RBFOX1: variants seen among roughly 807,000 people sequenced by gnomAD.
The protein encoded by RBFOX1 is RNA binding fox-1 homolog 1.
A neutral mutation model predicts 57.7 loss-of-function variants in RBFOX1; 8 were observed. The ratio of observed to expected loss-of-function variants is 0.14; its 90% CI spans 0.08 to 0.25. RBFOX1 has a LOEUF of 0.25. Among genes scored for constraint, RBFOX1 ranks in the 10% least tolerant of loss-of-function variants. The pLI is 1.00. For synonymous variants in RBFOX1, 326 were observed against 222.4 expected, an observed-to-expected ratio of 1.47 and a Z score of -4.15; for missense variants, 611 against 548.5, an observed-to-expected ratio of 1.11 and a Z score of -1.14.
intron 1 of RBFOX1, among the ~76,000 whole-genome samples, chr16:6,078,793 C>T (rs1160375399): frequency 6.6e-6 from 1 of 152,206 alleles, no homozygotes; most frequent in Non-Finnish European, 1.5e-5. Flanking sequence ...CCTAGTCTTT[C>T]ATCATTCTGG....
chr16:6,255,021 C>G (rs1465881454), intron 1 of RBFOX1, among the ~76,000 whole-genome samples: 1 of 152,070 alleles, frequency 6.6e-6, no homozygotes. Context: ...CTTCTTCCTT[C>G]CATCTCTCCC....
intron 3 of RBFOX1, among the ~76,000 whole-genome samples, chr16:7,037,197 T>C (rs1020064312): frequency 6.6e-6 from 1 of 150,982 alleles, no homozygotes. Context: ...GCCTTAGCCA[T>C]CTGGGAATGC....
chr16:6,556,646 G>A (rs1158559293), intron 2 of RBFOX1, among the ~76,000 whole-genome samples: 4 of 152,154 alleles, frequency 2.6e-5, no homozygotes, highest in African/African-American at 9.7e-5. Context: ...TTGAGATGAT[G>A]CCACAGTGCC....
chr16:6,716,956 G>T (rs2064953298), intron 3 of RBFOX1, among the ~76,000 whole-genome samples: 1 of 152,146 alleles, frequency 6.6e-6, no homozygotes, highest in African/African-American at 2.4e-5. Flanking sequence ...CACTAGAGTG[G>T]AGCCCTCACA....
At chr16:7,478,448 T>C (rs1048557944) in intron 4 of RBFOX1, among the ~76,000 whole-genome samples, 1 of 152,162 alleles carries the variant, frequency 6.6e-6, no homozygotes, top group African/African-American at 2.4e-5. Flanking sequence ...TCTGAGCTGC[T>C]GAAGAGAAAG....
chr16:5,806,832 C>T (rs181197136), intron 3 of RBFOX1, among the ~76,000 whole-genome samples: 34 of 152,346 alleles, frequency 2.2e-4, no homozygotes, highest in East Asian at 2.1e-3. Context: ...AAAGCCTTCA[C>T]GTCGTCAGGG....
At position 5,537,811 on chromosome 16, in the gene RBFOX1, T is replaced by C. The variant is rs545384469; in HGVS notation, c.259-61091T>C. ...TTGAGCTCACTTGGATAATCCAAGATAATCTCCTTCTCTCAAGCTGTATAT... is the reference window on the plus strand; with the variant it reads ...TTGAGCTCACTTGGATAATCCAAGACAATCTCCTTCTCTCAAGCTGTATAT... On this transcript the variant is annotated intron_variant, in intron 2 of 2. Transcript: ENST00000585867. Among the ~76,000 whole-genome samples, 24 of 152,384 alleles carry C rather than the reference T, an allele frequency of 1.6e-4. No individual in the cohort carries two copies. In the South Asian group the frequency reaches 4.3e-3, roughly 28 times the overall value.
chr16:6,726,376 A>C (rs1239789659), intron 3 of RBFOX1, among the ~76,000 whole-genome samples: 1 of 148,184 alleles, frequency 6.7e-6, no homozygotes, highest in African/African-American at 2.5e-5. Flanking sequence ...AATAATAAAT[A>C]AAAATAAAAC....
Position 6,338,029 on chromosome 16 carries a change from A to G in RBFOX1, c.-64+20972A>G, listed in dbSNP as rs547837280. On this transcript the variant is annotated intron_variant, in intron 2 of 15. Coordinates refer to ENST00000550418, the MANE Select transcript of RBFOX1 (RefSeq NM_018723.4). The stretch of plus-strand genomic sequence containing the variant: ...TACTATGTTTCATGATGTGCAAGCA[A>G]TACTTTGGACAATTTTATCCAGATG... Among the ~76,000 whole-genome samples the G allele has an allele frequency of 7.9e-5, 12 of 152,340 alleles. No homozygotes were observed. In the South Asian group the frequency reaches 2.1e-3, roughly 26 times the overall value.
At chr16:7,249,753 A>G (rs17143017) in intron 4 of RBFOX1, among the ~76,000 whole-genome samples, 2,674 of 152,260 alleles carry the variant, frequency 0.018, 55 homozygotes, top group South Asian at 0.045. Context: ...CACCATAACA[A>G]ACCGACAGTG....
intron 3 of RBFOX1, among the ~76,000 whole-genome samples, chr16:6,849,231 G>C (rs183592302): frequency 6.6e-6 from 1 of 152,180 alleles, no homozygotes. Flanking sequence ...ACAGTAGTGA[G>C]CTTTTAATAC....
chr16:6,706,101 T>C (rs1246750189), intron 3 of RBFOX1, among the ~76,000 whole-genome samples: 1 of 152,180 alleles, frequency 6.6e-6, no homozygotes, highest in East Asian at 1.9e-4. Flanking sequence ...CCCGGATGCT[T>C]AGCCCCAGTG....
intron 4 of RBFOX1, among the ~76,000 whole-genome samples, chr16:7,356,837 A>C (rs76213335): frequency 2.0e-5 from 3 of 152,176 alleles, no homozygotes; most frequent in African/African-American, 7.2e-5. Flanking sequence ...TGGACTTACT[A>C]TTATGCGTAG....
chr16:7,260,783 G>T (rs1049682833), intron 4 of RBFOX1, among the ~76,000 whole-genome samples: 1 of 152,098 alleles, frequency 6.6e-6, no homozygotes, highest in African/African-American at 2.4e-5. Context: ...CTAGGCTGCC[G>T]AACAGCAGGG....
chr16:5,824,958 C>A (rs994167488), intron 3 of RBFOX1, among the ~76,000 whole-genome samples: 1 of 152,162 alleles, frequency 6.6e-6, no homozygotes, highest in African/African-American at 2.4e-5. Context: ...TGGATTCTTA[C>A]TGTGAGGGTC....
chr16:6,649,671 C>G (rs1033688735), intron 2 of RBFOX1, among the ~76,000 whole-genome samples: 1 of 152,140 alleles, frequency 6.6e-6, no homozygotes. Flanking sequence ...CAGTTCCATC[C>G]AGGTTGCTGT....
At chr16:5,699,634 G>T (rs941478933) in intron 3 of RBFOX1, among the ~76,000 whole-genome samples, 1 of 151,998 alleles carries the variant, frequency 6.6e-6, no homozygotes, top group African/African-American at 2.4e-5. Flanking sequence ...GACATTTTTG[G>T]TTGTCAGCTC....
chr16:5,485,031 C>T (rs893871542), intron 2 of RBFOX1, among the ~76,000 whole-genome samples: 4 of 151,652 alleles, frequency 2.6e-5, no homozygotes, highest in African/African-American at 9.7e-5. Flanking sequence ...TGCACTGCAA[C>T]CTAGGTGAGA....
chr16:6,670,364 C>G (rs1293699680), intron 3 of RBFOX1, among the ~76,000 whole-genome samples: 1 of 152,080 alleles, frequency 6.6e-6, no homozygotes, highest in Non-Finnish European at 1.5e-5. Flanking sequence ...GCCACTGCTC[C>G]CAGACAAACA....
Sources: gnomAD v4.1 joint callset for allele counts (sites outside exome capture counted in the v4.1 genomes callset) on GRCh38, gnomAD v4.1.1 for gene constraint, MANE v1.5 for transcripts, NCBI Gene and HGNC (gene_info 2026-07-23, HGNC 2026-07-21) for gene names.